The following OPCML variants were observed in gnomAD, a reference collection of about 807,000 sequenced individuals.
The protein encoded by OPCML is opioid-binding protein/cell adhesion molecule.
OPCML carries 13 observed loss-of-function variants against 37.8 expected under a neutral mutation model. The ratio of observed to expected loss-of-function variants is 0.34; its 90% CI spans 0.22 to 0.55. The LOEUF (loss-of-function observed/expected upper bound fraction) is 0.55. OPCML is among the 20% of genes least tolerant of loss of function. The pLI is 0.91. For synonymous variants in OPCML, 176 were observed against 168.8 expected (o/e 1.04, Z -0.33); for missense variants, 341 against 435.6 (o/e 0.78, Z 1.93).
intron 1 of OPCML, among the ~76,000 whole-genome samples, chr11:133,372,671 G>A (rs139748399): frequency 6.6e-6 from 1 of 152,166 alleles, no homozygotes. Flanking sequence ...CACTTCACAG[G>A]TAATTATCAT....
rs375513885 is a variant in OPCML at position 132,809,661 on chromosome 11, TA to T, written c.146+133264del. Among the ~76,000 whole-genome samples the T allele has an allele frequency of 1.3e-3, 199 of 152,172 alleles. 2 individuals carry two copies. The highest frequency in any genetic ancestry group is 4.1e-3 in the African/African-American group (172 of 41,524). ...ATCTTAAAAAACTAAAAATTTTAAT[TA>T]AAAAAAGTGCCATCTCCAAGTGTTT... On this transcript the variant is annotated intron_variant, in intron 2 of 7. Transcript: ENST00000524381.
At chr11:133,324,505 C>T (rs1174016187) in intron 1 of OPCML, among the ~76,000 whole-genome samples, 3 of 152,130 alleles carry the variant, frequency 2.0e-5, no homozygotes, top group Admixed American at 6.6e-5. Context: ...TAGGAAAAAA[C>T]GGAATTCTGG....
intron 2 of OPCML, chr11:132,860,824 T>A (rs975580987): frequency 6.6e-6 from 1 of 152,182 alleles, no homozygotes; most frequent in African/African-American, 2.4e-5. Context: ...ATGACCTCAA[T>A]CAGCTCCGAA....
chr11:132,687,601 A>G (rs1943223260), intron 2 of OPCML, among the ~76,000 whole-genome samples: 1 of 151,510 alleles, frequency 6.6e-6, no homozygotes. Context: ...TCAAATACTC[A>G]GAGAATTAAA....
At chr11:133,078,349 C>T (rs7106048) in intron 1 of OPCML, among the ~76,000 whole-genome samples, 45,835 of 152,034 alleles carry the variant, frequency 0.3, 7,176 homozygotes, top group South Asian at 0.47. Flanking sequence ...AACATCTACA[C>T]GCTTTCCACA....
chr11:133,451,877 T>A (rs1388683716), intron 1 of OPCML, among the ~76,000 whole-genome samples: 1 of 151,046 alleles, frequency 6.6e-6, no homozygotes, highest in Non-Finnish European at 1.5e-5. Context: ...CTGGCTGATC[T>A]CTGAATGCCT....
intron 2 of OPCML, among the ~76,000 whole-genome samples, chr11:132,724,334 G>T (rs1284111175): frequency 1.3e-5 from 2 of 152,148 alleles, no homozygotes; most frequent in Non-Finnish European, 2.9e-5. Flanking sequence ...CAAACATTAA[G>T]TTCTTCTATG....
intron 2 of OPCML, among the ~76,000 whole-genome samples, chr11:132,758,738 A>T (rs1565839196): frequency 6.6e-6 from 1 of 152,230 alleles, no homozygotes; most frequent in Non-Finnish European, 1.5e-5. Context: ...CAATCATGTC[A>T]TCTGCAAACG....
chr11:132,744,801 G>A (rs1402707610), intron 2 of OPCML, among the ~76,000 whole-genome samples: 2 of 152,228 alleles, frequency 1.3e-5, no homozygotes, highest in African/African-American at 4.8e-5. Context: ...AATATAAAGT[G>A]GGGGAATGCT....
At chr11:133,099,730 CTGTT>C (rs1949059302) in intron 1 of OPCML, among the ~76,000 whole-genome samples, 1 of 152,122 alleles carries the variant, frequency 6.6e-6, no homozygotes, top group Non-Finnish European at 1.5e-5. Context: ...TGAGAACTGT[CTGTT>C]CATGTCCTTT....
intron 1 of OPCML, among the ~76,000 whole-genome samples, chr11:133,000,645 A>G (rs1946980433): frequency 6.6e-6 from 1 of 152,244 alleles, no homozygotes; most frequent in Non-Finnish European, 1.5e-5. Flanking sequence ...GAGAAGTAAT[A>G]AGGAAGGCAT....
rs950097921 is a variant in OPCML, at chr11:132,416,513, C to A, written c.*3680G>T. The A allele has an allele frequency of 6.6e-6, 1 of 152,196 alleles. No individual in the cohort carries two copies. Among genetic ancestry groups the A allele is most frequent in the East Asian group, 1.9e-4 (1 of 5,188 alleles). The allele number at this position is 152,196 out of a possible 1,614,324, so 9.4% of individuals were successfully genotyped here. On this transcript the variant is annotated 3_prime_UTR_variant, in exon 8 of 8. Transcript: ENST00000524381. Reference sequence around the variant, plus strand: ...CTTGCTGACTTCTCTTTGTTGAAGGCAAATTGACTGAATTGATGCAGAAAA... The same window carrying A: ...CTTGCTGACTTCTCTTTGTTGAAGGAAAATTGACTGAATTGATGCAGAAAA...
chr11:133,073,317 G>A (rs1948571097), intron 1 of OPCML, among the ~76,000 whole-genome samples: 1 of 152,236 alleles, frequency 6.6e-6, no homozygotes, highest in Non-Finnish European at 1.5e-5. Context: ...CACCATGGCA[G>A]CATTGGCTGG....
At chr11:132,846,129 C>G (rs546706987) in intron 2 of OPCML, among the ~76,000 whole-genome samples, 1 of 152,180 alleles carries the variant, frequency 6.6e-6, no homozygotes, top group African/African-American at 2.4e-5. Flanking sequence ...TTTACAGTCT[C>G]CTTTATAGCT....
intron 1 of OPCML, among the ~76,000 whole-genome samples, chr11:133,120,020 G>C (rs899922460): frequency 6.6e-6 from 1 of 152,020 alleles, no homozygotes; most frequent in Non-Finnish European, 1.5e-5. Context: ...TCACTGCTTT[G>C]GGCCTGATCT....
chr11:132,681,654 G>T (rs1193362429), intron 2 of OPCML, among the ~76,000 whole-genome samples: 3 of 152,098 alleles, frequency 2.0e-5, no homozygotes, highest in African/African-American at 4.8e-5. Flanking sequence ...GGGTGTGGGT[G>T]CAAAAGATCA....
At chr11:133,257,259 A>C (rs141108202) in intron 1 of OPCML, among the ~76,000 whole-genome samples, 1 of 152,334 alleles carries the variant, frequency 6.6e-6, no homozygotes, top group African/African-American at 2.4e-5. Context: ...TATAATTTCA[A>C]AACTGTGCAA....
chr11:132,512,611 A>T (rs1000134904), intron 4 of OPCML, among the ~76,000 whole-genome samples: 2 of 151,978 alleles, frequency 1.3e-5, no homozygotes, highest in African/African-American at 4.8e-5. Context: ...ATTATACAAG[A>T]TTTTACATTT....
chr11:133,500,217 A>G (rs1488108974), intron 1 of OPCML, among the ~76,000 whole-genome samples: 1 of 152,100 alleles, frequency 6.6e-6, no homozygotes, highest in Non-Finnish European at 1.5e-5. Context: ...ATCAAAGGAG[A>G]AATAGCAAAA....
Sources: gnomAD v4.1 joint callset for allele counts (sites outside exome capture counted in the v4.1 genomes callset) on GRCh38, gnomAD v4.1.1 for gene constraint, MANE v1.5 for transcripts, NCBI Gene and HGNC (gene_info 2026-07-23, HGNC 2026-07-21) for gene names.